The following MACROD2 variants were observed in gnomAD, a reference collection of about 807,000 sequenced individuals.
MACROD2 encodes ADP-ribose glycohydrolase MACROD2.
MACROD2 carries 36 observed loss-of-function variants against 70.4 expected under a neutral mutation model. The ratio of observed to expected loss-of-function variants is 0.51; its 90% CI spans 0.39 to 0.68. The LOEUF is 0.68. Among genes scored for constraint, MACROD2 ranks in the 30% least tolerant of loss-of-function variants. MACROD2 has a pLI of 0.00. For missense variants in MACROD2, 496 were observed against 538.4 expected (o/e 0.92, Z 0.78); for synonymous variants, 172 against 178.8 (o/e 0.96, Z 0.30).
At chr20:15,499,886 T>C in intron 8 of MACROD2, 39 bp downstream of exon 8, 1 of 1,584,108 alleles carries the variant, frequency 6.3e-7, no homozygotes, top group Admixed American at 1.7e-5. Flanking sequence ...TCCAAGATGA[T>C]GTAATTTGAT....
intron 5 of MACROD2, among the ~76,000 whole-genome samples, chr20:15,201,183 G>C (rs1393531606): frequency 6.6e-6 from 1 of 152,138 alleles, no homozygotes; most frequent in South Asian, 2.1e-4. Context: ...TTAGTGGAAA[G>C]TCTCTTAGGT....
chr20:14,025,691 G>A (rs1205276320), intron 2 of MACROD2, among the ~76,000 whole-genome samples: 1 of 152,174 alleles, frequency 6.6e-6, no homozygotes, highest in Non-Finnish European at 1.5e-5. Context: ...TAGTTTGATT[G>A]CACTGTGGTC....
At position 14,119,243 on chromosome 20, in the gene MACROD2, C is replaced by T. The variant is rs564216005; in HGVS notation, c.271+33515C>T. 2.3e-4 allele frequency among the ~76,000 whole-genome samples: 32 copies of T among 142,040 alleles called. No individual in the cohort carries two copies. In the South Asian group the frequency reaches 7.4e-3, roughly 33 times the overall value. The allele number at this position is 142,040 out of a possible 152,430, so 93.2% of individuals were successfully genotyped here. A position where few individuals can be genotyped will look rare whatever the true frequency, so the allele number is the denominator to read the frequency against. On this transcript the variant is annotated intron_variant, in intron 3 of 17. Transcript: ENST00000684519. Reference sequence around the variant, plus strand: ...AGTTCAGTAATGCGATCTTGGCTCACTGCAACCTCCGCCTCCTGGGTTCAA... The same window carrying T: ...AGTTCAGTAATGCGATCTTGGCTCATTGCAACCTCCGCCTCCTGGGTTCAA...
At chr20:14,856,650 G>A (rs1233215308) in intron 5 of MACROD2, among the ~76,000 whole-genome samples, 2 of 152,100 alleles carry the variant, frequency 1.3e-5, no homozygotes, top group Non-Finnish European at 2.9e-5. Context: ...GAATAACCCA[G>A]GGGTGGTGTG....
At chr20:15,532,780 C>A (rs754902345) in intron 8 of MACROD2, among the ~76,000 whole-genome samples, 1 of 151,804 alleles carries the variant, frequency 6.6e-6, no homozygotes, top group African/African-American at 2.4e-5. Flanking sequence ...GGAAATCTTA[C>A]CCCCCATCCT....
At chr20:15,743,675 G>C (rs1030427415) in intron 8 of MACROD2, among the ~76,000 whole-genome samples, 2 of 151,818 alleles carry the variant, frequency 1.3e-5, no homozygotes, top group Admixed American at 6.6e-5. Flanking sequence ...CCTTTGCCTG[G>C]AGTGCCCCTC....
intron 8 of MACROD2, among the ~76,000 whole-genome samples, chr20:15,617,850 G>C (rs1008811180): frequency 2.6e-5 from 4 of 152,286 alleles, no homozygotes; most frequent in East Asian, 1.9e-4. Flanking sequence ...TTCAGGGAAG[G>C]CTTTCTGGAA....
intron 8 of MACROD2, among the ~76,000 whole-genome samples, chr20:15,807,294 C>T (rs113652823): frequency 0.023 from 3,557 of 152,172 alleles, 160 homozygotes; most frequent in African/African-American, 0.081. Flanking sequence ...AAAACATGGC[C>T]TTCGTTAGGC....
chr20:15,329,088 A>C (rs1362278579), intron 6 of MACROD2, among the ~76,000 whole-genome samples: 1 of 152,192 alleles, frequency 6.6e-6, no homozygotes, highest in Non-Finnish European at 1.5e-5. Flanking sequence ...TACAGAAAAA[A>C]TCTAAAAGGA....
chr20:14,473,474 A>G (rs190390488), intron 3 of MACROD2, among the ~76,000 whole-genome samples: 1 of 152,340 alleles, frequency 6.6e-6, no homozygotes, highest in Non-Finnish European at 1.5e-5. Context: ...TGCAAGTGAC[A>G]GAACTGTCTT....
chr20:16,021,546 T>G (rs1250901277), intron 15 of MACROD2, among the ~76,000 whole-genome samples: 3 of 152,194 alleles, frequency 2.0e-5, no homozygotes, highest in African/African-American at 7.2e-5. Flanking sequence ...GAACACTGCC[T>G]TGTACTGTCT....
At chr20:15,059,136 A>G (rs961937459) in intron 5 of MACROD2, among the ~76,000 whole-genome samples, 1 of 152,210 alleles carries the variant, frequency 6.6e-6, no homozygotes, top group African/African-American at 2.4e-5. Context: ...AGTGGCTCAC[A>G]CTTGTGATCC....
chr20:14,562,261 T>C (rs150980238), intron 4 of MACROD2, among the ~76,000 whole-genome samples: 1 of 152,048 alleles, frequency 6.6e-6, no homozygotes, highest in African/African-American at 2.4e-5. Flanking sequence ...TCCTCAAGCA[T>C]TATTTTTTTG....
At chr20:14,835,151 C>A (rs544944902) in intron 5 of MACROD2, among the ~76,000 whole-genome samples, 1 of 151,964 alleles carries the variant, frequency 6.6e-6, no homozygotes, top group Non-Finnish European at 1.5e-5. Flanking sequence ...GTGCCATTTC[C>A]GGCACTGCTT....
intron 8 of MACROD2, among the ~76,000 whole-genome samples, chr20:15,533,513 A>C (rs1438648481): frequency 3.3e-5 from 5 of 151,368 alleles, no homozygotes; most frequent in Non-Finnish European, 7.4e-5. Context: ...CTTAGAGATC[A>C]TCTATCCAAC....
intron 2 of MACROD2, among the ~76,000 whole-genome samples, chr20:14,016,567 A>G (rs2052995233): frequency 6.6e-6 from 1 of 151,956 alleles, no homozygotes; most frequent in Non-Finnish European, 1.5e-5. Context: ...TCCATTTTGT[A>G]TTAAGTTTTG....
chr20:14,960,786 G>A (rs1292722003), intron 5 of MACROD2, among the ~76,000 whole-genome samples: 2 of 151,954 alleles, frequency 1.3e-5, no homozygotes, highest in East Asian at 1.9e-4. Flanking sequence ...TTGGAAGGGG[G>A]GCTTCTTCTG....
At chr20:14,290,914 GA>G (rs1247571824) in intron 3 of MACROD2, among the ~76,000 whole-genome samples, 1 of 152,182 alleles carries the variant, frequency 6.6e-6, no homozygotes, top group Non-Finnish European at 1.5e-5. Context: ...ACAGCTGCTT[GA>G]AAATTAGTTT....
intron 7 of MACROD2, among the ~76,000 whole-genome samples, chr20:15,466,432 A>G (rs4141734): frequency 0.71 from 108,363 of 152,080 alleles, 39,417 homozygotes; most frequent in East Asian, 0.93. Flanking sequence ...AAAAGAACAC[A>G]AGATGGTGTG....
Sources: allele counts gnomAD v4.1 joint callset (sites outside exome capture counted in the v4.1 genomes callset), GRCh38; gene constraint gnomAD v4.1.1; transcripts MANE v1.5; gene names NCBI Gene and HGNC (gene_info 2026-07-23, HGNC 2026-07-21).